Variants in SORL1 observed in about 807,000 individuals in gnomAD.
The protein encoded by SORL1 is sortilin-related receptor.
SORL1 carries 127 observed loss-of-function variants against 273.7 expected under a neutral mutation model. The observed-to-expected ratio is 0.46, with a 90% CI of 0.40 to 0.54. The LOEUF is 0.54. Ranked by LOEUF, SORL1 falls within the 20% of genes least tolerant of loss-of-function variation. The pLI is 0.00. For missense variants in SORL1, 2,494 were observed against 2,846.1 expected (o/e 0.88, Z 2.81); for synonymous variants, 1,031 against 1,067.4 (o/e 0.97, Z 0.66).
intron 3 of SORL1, among the ~76,000 whole-genome samples, chr11:121,483,033 G>C (rs944510743): frequency 2.0e-5 from 3 of 152,184 alleles, no homozygotes. Context: ...CCAACATTGT[G>C]GGGCCCCTGA....
chr11:121,617,507 C>G (rs1200636858), intron 41 of SORL1, among the ~76,000 whole-genome samples: 1 of 152,060 alleles, frequency 6.6e-6, no homozygotes, highest in Non-Finnish European at 1.5e-5. Context: ...AAAATCAGAG[C>G]TTAGTCCTCA....
intron 22 of SORL1, among the ~76,000 whole-genome samples, 155 bp from the exon 23 acceptor site, chr11:121,570,002 T>C (rs926589728): frequency 6.6e-6 from 1 of 152,188 alleles, no homozygotes; most frequent in African/African-American, 2.4e-5. Flanking sequence ...GAAAAGAACC[T>C]ATGTGAAATA....
chr11:121,583,757 T>C (rs1188738739), intron 26 of SORL1, among the ~76,000 whole-genome samples, 174 bp downstream of exon 26: 1 of 152,220 alleles, frequency 6.6e-6, no homozygotes, highest in East Asian at 1.9e-4. Flanking sequence ...ATGTATCAGA[T>C]TATATTATAT....
At chr11:121,481,663 G>C (rs1217687245) in intron 3 of SORL1, among the ~76,000 whole-genome samples, 1 of 108,454 alleles carries the variant, frequency 9.2e-6, no homozygotes, top group Non-Finnish European at 1.8e-5. Flanking sequence ...CTATAGGCAG[G>C]TTCCATCTCC....
chr11:121,525,112 T>C (rs1458470941), intron 11 of SORL1, among the ~76,000 whole-genome samples: 1 of 152,230 alleles, frequency 6.6e-6, no homozygotes, highest in Non-Finnish European at 1.5e-5. Flanking sequence ...CCCTCGGTAA[T>C]CCATCCCACT....
intron 11 of SORL1, 145 bp downstream of exon 11, chr11:121,523,134 AC>A (rs1361574777): frequency 1.6e-6 from 1 of 632,404 alleles, no homozygotes; most frequent in Admixed American, 2.8e-5. Flanking sequence ...AAAGAAAGGT[AC>A]CTGAAGCCAC....
chr11:121,505,547 T>A (rs1861775639), intron 6 of SORL1, among the ~76,000 whole-genome samples: 1 of 152,084 alleles, frequency 6.6e-6, no homozygotes, highest in Non-Finnish European at 1.5e-5. Context: ...AGTCAGGTTA[T>A]TGATTTGATA....
chr11:121,466,137 A>G (rs1861078922), intron 1 of SORL1, among the ~76,000 whole-genome samples: 2 of 152,098 alleles, frequency 1.3e-5, no homozygotes, highest in Admixed American at 6.6e-5. Flanking sequence ...AACAGCTCCA[A>G]TTAATTGTGT....
chr11:121,502,542 T>C (rs1861727782), intron 6 of SORL1, among the ~76,000 whole-genome samples: 1 of 152,200 alleles, frequency 6.6e-6, no homozygotes, highest in African/African-American at 2.4e-5. Context: ...TTTTCCCATA[T>C]CCTTGTCAAC....
intron 4 of SORL1, 134 bp downstream of exon 4, chr11:121,488,327 T>C: frequency 1.1e-6 from 1 of 904,530 alleles, no homozygotes; most frequent in Non-Finnish European, 1.7e-6. Context: ...CCTTTGTAGC[T>C]ACTATTTCAC....
Position 121,543,850 on chromosome 11 carries a change from A to G in SORL1, c.1864+124A>G. 3.6e-6 allele frequency: 3 copies of G among 838,260 alleles called. 1 individual carries two copies. The highest frequency in any genetic ancestry group is 3.8e-5 in the South Asian group (2 of 52,048). 51.9% of individuals were successfully genotyped at this position (838,260 alleles called of 1,614,324 possible). A position where few individuals can be genotyped will look rare whatever the true frequency, so the allele number is the denominator to read the frequency against. On this transcript the variant is annotated intron_variant, in intron 13 of 47. Coordinates refer to ENST00000260197, the MANE Select transcript of SORL1 (RefSeq NM_003105.6). ...GACATTCATTGGGGGAGATGGGCCC[A>G]TAAGAGTTAGCAAAAAGCATAGGGA...
In SORL1 at chr11:121,561,377, G is replaced by A. The variant is rs143815472; in HGVS notation, c.3049+1720G>A. 2.4e-3 allele frequency among the ~76,000 whole-genome samples: 364 copies of A among 152,278 alleles called. 3 individuals carry two copies. The highest frequency in any genetic ancestry group is 8.4e-3 in the African/African-American group (350 of 41,558). On this transcript the variant is annotated intron_variant, in intron 21 of 47. Transcript: ENST00000260197. ...GTTTGTGGTCTCAGCACATGCAAACGTGGTGTCTTGGTGCCAGTCAGACAG... is the reference window on the plus strand; with the variant it reads ...GTTTGTGGTCTCAGCACATGCAAACATGGTGTCTTGGTGCCAGTCAGACAG...
intron 11 of SORL1, among the ~76,000 whole-genome samples, chr11:121,525,669 G>T (rs968502645): frequency 3.9e-5 from 6 of 152,208 alleles, no homozygotes; most frequent in Admixed American, 6.5e-5. Flanking sequence ...TGGCATTTGT[G>T]TGATTATTAA....
At chr11:121,601,530 C>G (rs927609984) in intron 32 of SORL1, among the ~76,000 whole-genome samples, 4 of 150,928 alleles carry the variant, frequency 2.7e-5, no homozygotes, top group Admixed American at 1.3e-4. Flanking sequence ...AAAAGTGTTC[C>G]TATTTCTCCA....
intron 12 of SORL1, among the ~76,000 whole-genome samples, chr11:121,535,330 C>T (rs1262097915): frequency 6.6e-6 from 1 of 152,200 alleles, no homozygotes; most frequent in Non-Finnish European, 1.5e-5. Context: ...GGAGTTAATG[C>T]CCACACTGGA....
chr11:121,612,985 TA>T (rs1718025931), intron 40 of SORL1, among the ~76,000 whole-genome samples, 153 bp downstream of exon 40: 1 of 152,208 alleles, frequency 6.6e-6, no homozygotes, highest in Admixed American at 6.5e-5. Context: ...TTGAGGATCC[TA>T]TAAGTGTGCT....
At chr11:121,515,345 G>A (rs998567151) in intron 8 of SORL1, among the ~76,000 whole-genome samples, 1 of 152,166 alleles carries the variant, frequency 6.6e-6, no homozygotes, top group African/African-American at 2.4e-5. Flanking sequence ...GATTTGCAAC[G>A]GTGTTCTTTT....
In SORL1 at chr11:121,488,052, T is replaced by C; in HGVS notation, c.549T>C (p.Tyr183=). ...TGCAGTACATCTTTGCAGACGCTTA[T>C]GCCCAGTACCTCTGGATCACGTTTG... is the stretch of plus-strand genomic sequence containing the variant. ...DNKRYIFADA[Y]AQYLWITFDF... The change falls in exon 4 of 48, where the codon TAT becomes TAC. Residue 183 remains tyrosine (Y), a synonymous_variant. Coordinates refer to ENST00000260197, the MANE Select transcript of SORL1 (RefSeq NM_003105.6). The C allele has an allele frequency of 6.2e-7, 1 of 1,614,216 alleles. No homozygotes were observed.
At chr11:121,601,040 T>G in intron 32 of SORL1, among the ~76,000 whole-genome samples, 1 of 89,588 alleles carries the variant, frequency 1.1e-5, no homozygotes, top group East Asian at 3.9e-4. Context: ...GTGCTATCCC[T>G]CCCCCCTCCC....
Sources: allele counts gnomAD v4.1 joint callset (sites outside exome capture counted in the v4.1 genomes callset), GRCh38; gene constraint gnomAD v4.1.1; transcripts MANE v1.5; gene names NCBI Gene and HGNC (gene_info 2026-07-23, HGNC 2026-07-21).